Variants in GUCY1A1 observed in about 807,000 individuals in gnomAD.
GUCY1A1 encodes guanylate cyclase 1 soluble subunit alpha 1.
GUCY1A1 carries 48 observed loss-of-function variants against 64.5 expected under a neutral mutation model. The ratio of observed to expected loss-of-function variants is 0.74; its 90% CI spans 0.59 to 0.95. The LOEUF (loss-of-function observed/expected upper bound fraction) is 0.95, where lower values mean the gene tolerates loss of function less well. Among genes scored for constraint, GUCY1A1 ranks in the 40% least tolerant of loss-of-function variants. The probability of loss-of-function intolerance (pLI) is 0.00; values close to 1 mark genes in which losing one functional copy is unlikely to be tolerated. For synonymous variants in GUCY1A1, 308 were observed against 303.4 expected, an observed-to-expected ratio of 1.02 and a Z score of -0.16; for missense variants, 804 against 825.3, an observed-to-expected ratio of 0.97 and a Z score of 0.32.
intron 2 of GUCY1A1, among the ~76,000 whole-genome samples, chr4:155,671,514 T>C (rs1734139835): frequency 6.6e-6 from 1 of 152,156 alleles, no homozygotes; most frequent in South Asian, 2.1e-4. Context: ...ATGGTACATA[T>C]TCTGGATTTT....
chr4:155,675,497 C>T lies in GUCY1A1; in HGVS notation c.-113+8078C>T, dbSNP rs192910913. Among the ~76,000 whole-genome samples, 44 of 151,462 alleles carry T rather than the reference C, an allele frequency of 2.9e-4. 1 individual carries two copies. Among genetic ancestry groups the T allele is most frequent in the African/African-American group, 8.3e-4 (34 of 40,780 alleles). On this transcript the variant is annotated intron_variant, in intron 2 of 9. Coordinates refer to ENST00000506455, the MANE Select transcript of GUCY1A1 (RefSeq NM_001130682.3). ...GATTAGCAAAAGGCAGGCTTCCCAGCGAAAACAAACGTCTTTGGGTAAAAT... is the reference window on the plus strand; with the variant it reads ...GATTAGCAAAAGGCAGGCTTCCCAGTGAAAACAAACGTCTTTGGGTAAAAT...
chr4:155,728,573 A>T (rs750960479), intron 9 of GUCY1A1, among the ~76,000 whole-genome samples: 3 of 151,910 alleles, frequency 2.0e-5, no homozygotes, highest in Non-Finnish European at 2.9e-5. Context: ...TTCCCAGACC[A>T]TAGGCTATAC....
At chr4:155,673,612 C>G (rs1311941955) in intron 2 of GUCY1A1, among the ~76,000 whole-genome samples, 1 of 151,316 alleles carries the variant, frequency 6.6e-6, no homozygotes, top group Admixed American at 6.6e-5. Flanking sequence ...GGATTCACTG[C>G]AGGGATCAGA....
At chr4:155,693,230 G>A (rs1260600660) in intron 2 of GUCY1A1, among the ~76,000 whole-genome samples, 1 of 152,162 alleles carries the variant, frequency 6.6e-6, no homozygotes, top group Admixed American at 6.5e-5. Context: ...AAAAGAGAGT[G>A]AGCATTAAGT....
intron 2 of GUCY1A1, among the ~76,000 whole-genome samples, chr4:155,690,858 A>G (rs1048067372): frequency 5.3e-5 from 8 of 152,132 alleles, no homozygotes; most frequent in African/African-American, 1.9e-4. Flanking sequence ...TTTACACATC[A>G]CTCTGACCTT....
intron 2 of GUCY1A1, among the ~76,000 whole-genome samples, chr4:155,669,833 C>T (rs967003024): frequency 7.9e-5 from 12 of 152,238 alleles, no homozygotes; most frequent in Admixed American, 1.3e-4. Flanking sequence ...TTAAATCCTG[C>T]ATTTACATTT....
chr4:155,696,490 G>A (rs972258653), intron 2 of GUCY1A1, among the ~76,000 whole-genome samples: 4 of 152,168 alleles, frequency 2.6e-5, no homozygotes, highest in Admixed American at 2.0e-4. Flanking sequence ...GAAATCAGTA[G>A]TTGATGCTAA....
chr4:155,668,232 T>C (rs1046687597), intron 2 of GUCY1A1: 1 of 152,388 alleles, frequency 6.6e-6, no homozygotes. Flanking sequence ...AGGCTATGGA[T>C]TTCGTGCGTC....
intron 2 of GUCY1A1, among the ~76,000 whole-genome samples, chr4:155,683,957 C>T (rs114837251): frequency 0.022 from 3,391 of 152,220 alleles, 58 homozygotes; most frequent in Middle Eastern, 0.051. Context: ...ACTCAATACA[C>T]CTATACACCT....
chr4:155,683,725 G>A (rs1736152474), intron 2 of GUCY1A1, among the ~76,000 whole-genome samples: 1 of 152,162 alleles, frequency 6.6e-6, no homozygotes. Flanking sequence ...TATAATGTAT[G>A]TTAATATTAG....
chr4:155,730,155 C>T lies in GUCY1A1; in HGVS notation c.1997C>T (p.Ser666Leu), dbSNP rs1735367655. 2 of 1,611,718 alleles carry T rather than the reference C, an allele frequency of 1.2e-6. No individual in the cohort carries two copies. Among genetic ancestry groups the T allele is most frequent in the South Asian group, 2.2e-5 (2 of 91,006 alleles). ...FLDAYQQGTN[S>L]KPCFQKKDVE... ...GATGCTTACCAACAAGGAACAAACT[C>T]AAAACCATGCTTCCAAAAGAAAGAT... The change falls in exon 10 of 10, where the codon TCA becomes TTA. Residue 666 changes from serine (S) to leucine (L), a missense_variant. Coordinates refer to ENST00000506455, the MANE Select transcript of GUCY1A1 (RefSeq NM_001130682.3).
chr4:155,730,967 T>C lies in GUCY1A1; in HGVS notation c.*736T>C, dbSNP rs1735478150. On this transcript the variant is annotated 3_prime_UTR_variant, in exon 10 of 10. Transcript: ENST00000506455. ...ATGGTAAAAGCTATTTTAATCCATG[T>C]TAGCAATTTAATTCCTATTAATTCA... 1 of 153,446 alleles carries C rather than the reference T, an allele frequency of 6.5e-6. No individual in the cohort carries two copies. The highest frequency in any genetic ancestry group is 1.5e-5 in the Non-Finnish European group (1 of 67,894). 9.5% of individuals were successfully genotyped at this position (153,446 alleles called of 1,614,324 possible).
intron 2 of GUCY1A1, among the ~76,000 whole-genome samples, chr4:155,672,906 A>G (rs1172805021): frequency 1.3e-5 from 2 of 152,216 alleles, no homozygotes; most frequent in Non-Finnish European, 2.9e-5. Context: ...CTCATTTAGA[A>G]TATTTGCTAT....
At chr4:155,668,575 T>C (rs1322893836) in intron 2 of GUCY1A1, among the ~76,000 whole-genome samples, 1 of 152,244 alleles carries the variant, frequency 6.6e-6, no homozygotes, top group African/African-American at 2.4e-5. Flanking sequence ...CGTCAAACTT[T>C]CCTGTTACAT....
intron 5 of GUCY1A1, among the ~76,000 whole-genome samples, chr4:155,708,584 T>G (rs1182693983): frequency 6.6e-6 from 1 of 152,214 alleles, no homozygotes. Flanking sequence ...GTTCCTCATT[T>G]ATACATCAAA....
At chr4:155,711,470 G>A (rs190625621) in intron 6 of GUCY1A1, 18 of 372,622 alleles carry the variant, frequency 4.8e-5, no homozygotes, top group Non-Finnish European at 6.7e-5. Flanking sequence ...ATTGAATGCA[G>A]TCTGCCTTTT....
chr4:155,725,136 G>A (rs897519531), intron 9 of GUCY1A1, among the ~76,000 whole-genome samples: 1 of 152,044 alleles, frequency 6.6e-6, no homozygotes, highest in African/African-American at 2.4e-5. Context: ...GTCTTATGCA[G>A]TATTTATTTA....
chr4:155,683,767 T>A (rs539055345), intron 2 of GUCY1A1, among the ~76,000 whole-genome samples: 1 of 152,192 alleles, frequency 6.6e-6, no homozygotes, highest in African/African-American at 2.4e-5. Flanking sequence ...AATCTTCTGA[T>A]TGGTCTGAGA....
In GUCY1A1 at chr4:155,731,309, T is replaced by G. The variant is rs1278305619; in HGVS notation, c.*1078T>G. Reference sequence around the variant, plus strand: ...CTTTTGGTGGATATCTCATTTTTCTTGAGTATTTGTGCTGAACATTTTGGT... The same window carrying G: ...CTTTTGGTGGATATCTCATTTTTCTGGAGTATTTGTGCTGAACATTTTGGT... On this transcript the variant is annotated 3_prime_UTR_variant, in exon 10 of 10. Coordinates refer to ENST00000506455, the MANE Select transcript of GUCY1A1 (RefSeq NM_001130682.3). The G allele has an allele frequency of 6.6e-6, 1 of 151,848 alleles. No homozygotes were observed. The highest frequency in any genetic ancestry group is 1.5e-5 in the Non-Finnish European group (1 of 67,832). 9.4% of individuals were successfully genotyped at this position (151,848 alleles called of 1,614,324 possible).
Sources: allele counts gnomAD v4.1 joint callset (sites outside exome capture counted in the v4.1 genomes callset), GRCh38; gene constraint gnomAD v4.1.1; transcripts MANE v1.5; gene names NCBI Gene and HGNC (gene_info 2026-07-23, HGNC 2026-07-21).